The following CNTN4 variants were observed in gnomAD, a reference collection of about 807,000 sequenced individuals.
CNTN4 encodes the protein contactin 4.
In CNTN4, 77 loss-of-function variants were observed where a neutral mutation model predicts 122.5. The ratio of observed to expected loss-of-function variants is 0.63; its 90% CI spans 0.52 to 0.76. The LOEUF (loss-of-function observed/expected upper bound fraction) is 0.76, where lower values mean the gene tolerates loss of function less well. Ranked by LOEUF, CNTN4 falls within the 30% of genes least tolerant of loss-of-function variation. The probability of loss-of-function intolerance (pLI) is 0.00; values close to 1 mark genes in which losing one functional copy is unlikely to be tolerated. For synonymous variants in CNTN4, 512 were observed against 447.0 expected (o/e 1.15, Z -1.83); for missense variants, 1,256 against 1,259.1 (o/e 1.00, Z 0.04).
chr3:3,015,100 C>G (rs776186572), intron 14 of CNTN4, among the ~76,000 whole-genome samples: 2 of 152,062 alleles, frequency 1.3e-5, no homozygotes, highest in African/African-American at 2.4e-5. Flanking sequence ...TTTTCATTCT[C>G]CCTCCTTTAA....
intron 3 of CNTN4, among the ~76,000 whole-genome samples, chr3:2,376,688 T>TAA (rs11404151): frequency 0.22 from 29,996 of 134,130 alleles, 3,546 homozygotes; most frequent in African/African-American, 0.26. Context: ...ACTTGTATGT[T>TAA]AAAAAAAAAA....
intron 13 of CNTN4, among the ~76,000 whole-genome samples, chr3:2,944,549 G>C (rs983996441): frequency 4.6e-5 from 7 of 152,022 alleles, no homozygotes; most frequent in African/African-American, 1.7e-4. Context: ...TGCTCTCCTT[G>C]AATACTAGAC....
intron 13 of CNTN4, among the ~76,000 whole-genome samples, chr3:2,958,523 G>T (rs1013760377): frequency 4.6e-5 from 7 of 152,016 alleles, no homozygotes; most frequent in East Asian, 1.9e-4. Context: ...GCATTTTTTT[G>T]AATTATCCCG....
At chr3:2,149,184 C>T (rs1447602104) in intron 2 of CNTN4, among the ~76,000 whole-genome samples, 1 of 152,156 alleles carries the variant, frequency 6.6e-6, no homozygotes, top group Non-Finnish European at 1.5e-5. Flanking sequence ...TTCAGAAATG[C>T]TCCGTCTGCC....
chr3:2,402,997 G>A (rs374434315), intron 3 of CNTN4, among the ~76,000 whole-genome samples: 1 of 152,100 alleles, frequency 6.6e-6, no homozygotes, highest in Non-Finnish European at 1.5e-5. Flanking sequence ...CTGGAGGCTA[G>A]AAGTCAGAGA....
At chr3:2,650,485 G>C (rs983333515) in intron 4 of CNTN4, among the ~76,000 whole-genome samples, 4 of 152,168 alleles carry the variant, frequency 2.6e-5, no homozygotes, top group African/African-American at 9.7e-5. Context: ...GAGAGGATTG[G>C]CTTCAGTTTG....
chr3:2,701,459 C>T (rs989347554), intron 4 of CNTN4, among the ~76,000 whole-genome samples: 3 of 152,134 alleles, frequency 2.0e-5, no homozygotes, highest in East Asian at 1.9e-4. Context: ...TTCCCCCCAG[C>T]GTGGGGTATC....
At chr3:2,303,066 TGAAGTA>T (rs2042580773) in intron 2 of CNTN4, among the ~76,000 whole-genome samples, 4 of 152,202 alleles carry the variant, frequency 2.6e-5, no homozygotes, top group African/African-American at 9.7e-5. Flanking sequence ...TTCAAGAGTA[TGAAGTA>T]TAGATACTGT....
intron 3 of CNTN4, among the ~76,000 whole-genome samples, chr3:2,492,271 T>C (rs1306910619): frequency 6.6e-6 from 1 of 152,172 alleles, no homozygotes; most frequent in African/African-American, 2.4e-5. Flanking sequence ...GCCTGTTTTA[T>C]AGCATTTGTG....
intron 14 of CNTN4, among the ~76,000 whole-genome samples, chr3:2,996,726 C>T (rs1695571256): frequency 6.6e-6 from 1 of 152,116 alleles, no homozygotes; most frequent in Admixed American, 6.6e-5. Flanking sequence ...ATCTGGCTTG[C>T]ATTGAAAACC....
At chr3:2,475,160 C>A (rs9884002) in intron 3 of CNTN4, among the ~76,000 whole-genome samples, 1 of 151,960 alleles carries the variant, frequency 6.6e-6, no homozygotes, top group East Asian at 1.9e-4. Flanking sequence ...TTGACAGGTA[C>A]GAAATGGACA....
At chr3:3,038,792 C>A in intron 18 of CNTN4, 141 bp from the exon 19 acceptor site, 1 of 667,036 alleles carries the variant, frequency 1.5e-6, no homozygotes. Flanking sequence ...GGCCCCTTGA[C>A]AATGCTGTTG....
chr3:2,806,153 G>A (rs769743940), intron 6 of CNTN4, among the ~76,000 whole-genome samples: 2 of 152,086 alleles, frequency 1.3e-5, no homozygotes, highest in Admixed American at 6.5e-5. Flanking sequence ...CGCCTGCCTC[G>A]GCCTCCCAAA....
intron 4 of CNTN4, among the ~76,000 whole-genome samples, chr3:2,626,415 G>T (rs2600312): frequency 0.46 from 69,888 of 151,160 alleles, 16,708 homozygotes; most frequent in East Asian, 0.77. Flanking sequence ...GAGAATGGCG[G>T]GAACCCAGGA....
intron 6 of CNTN4, among the ~76,000 whole-genome samples, chr3:2,772,224 T>C (rs530476777): frequency 6.6e-6 from 1 of 152,172 alleles, no homozygotes; most frequent in Admixed American, 6.5e-5. Flanking sequence ...GGAATGGGCA[T>C]TTAAGGCACT....
intron 2 of CNTN4, among the ~76,000 whole-genome samples, chr3:2,258,200 C>A (rs1354120337): frequency 3.3e-5 from 5 of 152,162 alleles, no homozygotes; most frequent in African/African-American, 9.7e-5. Context: ...CCTCAAGGAT[C>A]TAGAACCAGA....
At chr3:2,503,395 A>T (rs1264427148) in intron 3 of CNTN4, among the ~76,000 whole-genome samples, 1 of 152,188 alleles carries the variant, frequency 6.6e-6, no homozygotes, top group East Asian at 1.9e-4. Flanking sequence ...CGAAAATTTT[A>T]TAATAAATGG....
chr3:2,877,826 C>T (rs1313719879), intron 8 of CNTN4, among the ~76,000 whole-genome samples: 3 of 152,034 alleles, frequency 2.0e-5, no homozygotes, highest in African/African-American at 7.3e-5. Context: ...TTTTAAGGGG[C>T]CTTTCATTTC....
At chr3:2,768,762 A>G (rs1245233893) in intron 6 of CNTN4, among the ~76,000 whole-genome samples, 3 of 152,178 alleles carry the variant, frequency 2.0e-5, no homozygotes, top group African/African-American at 7.2e-5. Flanking sequence ...AGTTGTCTAT[A>G]TCGTTTTCCT....
Sources: allele counts gnomAD v4.1 joint callset (sites outside exome capture counted in the v4.1 genomes callset), GRCh38; gene constraint gnomAD v4.1.1; transcripts MANE v1.5; gene names NCBI Gene and HGNC (gene_info 2026-07-23, HGNC 2026-07-21).